The following CEMIP2 variants were observed in gnomAD, a reference collection of about 807,000 sequenced individuals.
CEMIP2 encodes cell migration inducing hyaluronidase 2.
A neutral mutation model predicts 146.9 loss-of-function variants in CEMIP2; 79 were observed. The observed-to-expected ratio is 0.54, with a 90% CI of 0.45 to 0.65. CEMIP2 has a LOEUF of 0.65. CEMIP2 is among the 30% of genes least tolerant of loss of function. The pLI is 0.00. For missense variants in CEMIP2, 1,596 were observed against 1,696.2 expected (o/e 0.94, Z 1.04); for synonymous variants, 601 against 606.3 (o/e 0.99, Z 0.13).
At chr9:71,760,857 C>A (rs1235232122) in intron 1 of CEMIP2, among the ~76,000 whole-genome samples, 1 of 152,208 alleles carries the variant, frequency 6.6e-6, no homozygotes, top group Non-Finnish European at 1.5e-5. Flanking sequence ...GGAAAAAGGT[C>A]GTTGTACCTA....
chr9:71,741,119 T>C (rs1823901431), intron 4 of CEMIP2, among the ~76,000 whole-genome samples: 1 of 151,054 alleles, frequency 6.6e-6, no homozygotes, highest in Admixed American at 6.6e-5. Flanking sequence ...TGATCTAAGG[T>C]GCACCCTAGG....
At chr9:71,697,466 T>A (rs796939464) in intron 20 of CEMIP2, among the ~76,000 whole-genome samples, 7 of 152,300 alleles carry the variant, frequency 4.6e-5, no homozygotes, top group East Asian at 1.9e-4. Context: ...ACTTTTTTTT[T>A]AAATAAAAAT....
intron 12 of CEMIP2, among the ~76,000 whole-genome samples, chr9:71,719,852 A>G (rs1823182822): frequency 1.3e-5 from 2 of 151,212 alleles, no homozygotes; most frequent in South Asian, 4.2e-4. Context: ...CAAAAAAAAA[A>G]AAAAAAAAAG....
rs182035741 is a variant in CEMIP2, at chr9:71,759,731, G to A, written c.-13+8626C>T. 1.6e-3 allele frequency among the ~76,000 whole-genome samples: 243 copies of A among 150,416 alleles called. 1 individual carries two copies. The highest frequency in any genetic ancestry group is 3.4e-3 in the Middle Eastern group (1 of 294). On this transcript the variant is annotated intron_variant, in intron 1 of 23. Coordinates refer to ENST00000377044, the MANE Select transcript of CEMIP2 (RefSeq NM_013390.3). ...TCTTTATCTTGAATAGGGCTGTTCG[G>A]ATGTGGTTAGATTTTTGGTCCTTCC...
Position 71,755,961 on chromosome 9 carries a change from CAAAAAAAAAAAAA to C in CEMIP2, c.-12-5589_-12-5577del, listed in dbSNP as rs55972127. ...GGTGACAGAGCATGACTCTGTCTCA[CAAAAAAAAAAAAA>C]AAAAAAAAAAAAAAAACCTCTTACA... On this transcript the variant is annotated intron_variant, in intron 1 of 23. Coordinates refer to ENST00000377044, the MANE Select transcript of CEMIP2 (RefSeq NM_013390.3). 1.9e-4 allele frequency among the ~76,000 whole-genome samples: 10 copies of C among 52,898 alleles called. 1 individual carries two copies. The highest frequency in any genetic ancestry group is 1.1e-3 in the East Asian group (2 of 1,870). 34.7% of individuals were successfully genotyped at this position (52,898 alleles called of 152,430 possible).
At chr9:71,715,622 T>C (rs1334547933) in intron 14 of CEMIP2, among the ~76,000 whole-genome samples, 2 of 45,484 alleles carry the variant, frequency 4.4e-5, no homozygotes, top group Admixed American at 2.6e-4. Flanking sequence ...ATATCCCTCT[T>C]AAGATATATA....
chr9:71,687,744 T>C (rs564328059), intron 22 of CEMIP2, among the ~76,000 whole-genome samples: 1 of 152,256 alleles, frequency 6.6e-6, no homozygotes, highest in Admixed American at 6.5e-5. Flanking sequence ...TGTGCACGTG[T>C]AGTCCCAGCT....
At chr9:71,699,956 T>G (rs1269387046) in intron 19 of CEMIP2, among the ~76,000 whole-genome samples, 3 of 152,210 alleles carry the variant, frequency 2.0e-5, no homozygotes, top group Admixed American at 6.5e-5. Context: ...ACGGTGAGTT[T>G]GCAGAAGAAA....
At chr9:71,750,832 G>A (rs996974935) in intron 1 of CEMIP2, among the ~76,000 whole-genome samples, 2 of 151,850 alleles carry the variant, frequency 1.3e-5, no homozygotes, top group African/African-American at 2.4e-5. Context: ...CTACAGTCTC[G>A]CACTCCTGGG....
chr9:71,756,191 C>CTAGATAGGTAGATAGATAGA (rs1554689288), intron 1 of CEMIP2, among the ~76,000 whole-genome samples: 4 of 128,480 alleles, frequency 3.1e-5, no homozygotes, highest in Admixed American at 2.3e-4. Flanking sequence ...AGCAAAAATG[C>CTAGATAGGTAGATAGATAGA]TAGATAGATA....
rs1289867120 is a variant in CEMIP2 at position 71,740,046 on chromosome 9, A to G, written c.1204+17T>C. The G allele has an allele frequency of 1.2e-6, 2 of 1,610,472 alleles. No homozygotes were observed. The highest frequency in any genetic ancestry group is 1.7e-5 in the Admixed American group (1 of 59,318). On this transcript the variant is annotated intron_variant, in intron 5 of 23. Coordinates refer to ENST00000377044, the MANE Select transcript of CEMIP2 (RefSeq NM_013390.3). ...ACTTATCAGTGTCTTACAAGAGTAT[A>G]AACTCTACTTGCCTACCTTCAATCC...
At chr9:71,760,319 T>C (rs985906057) in intron 1 of CEMIP2, among the ~76,000 whole-genome samples, 2 of 152,236 alleles carry the variant, frequency 1.3e-5, no homozygotes, top group African/African-American at 4.8e-5. Context: ...GCAAATCACA[T>C]TGGACTCTCC....
At chr9:71,688,409 G>A (rs1431581386) in intron 22 of CEMIP2, among the ~76,000 whole-genome samples, 2 of 150,796 alleles carry the variant, frequency 1.3e-5, no homozygotes, top group Admixed American at 1.3e-4. Context: ...TTTTTTTTTA[G>A]AGACAGAGTC....
intron 1 of CEMIP2, among the ~76,000 whole-genome samples, chr9:71,757,746 GT>G (rs1246481985): frequency 1.3e-5 from 2 of 152,130 alleles, no homozygotes; most frequent in African/African-American, 4.8e-5. Flanking sequence ...TTCTGGTTTG[GT>G]TTGGTTTGGT....
Position 71,750,405 on chromosome 9 carries a change from T to G in CEMIP2, c.-12-20A>C. The G allele has an allele frequency of 6.7e-7, 1 of 1,490,364 alleles. No individual in the cohort carries two copies. The highest frequency in any genetic ancestry group is 1.3e-5 in the South Asian group (1 of 76,368). 92.3% of individuals were successfully genotyped at this position (1,490,364 alleles called of 1,614,324 possible). On this transcript the variant is annotated intron_variant, in intron 1 of 23. Coordinates refer to ENST00000377044, the MANE Select transcript of CEMIP2 (RefSeq NM_013390.3). ...CTGTTACTGTGAAAAGAAAAAAAAA[T>G]TAAGCTTCAGTATGTGTAAATTCTT...
chr9:71,700,627 G>A lies in CEMIP2; in HGVS notation c.3377+15C>T. On this transcript the variant is annotated intron_variant, in intron 19 of 23. Transcript: ENST00000377044. ...AAATAGGAATAATTCTCATTCCCTG[G>A]TTTCACTGAATTACCCCGTGCTGGA... The A allele has an allele frequency of 6.4e-7, 1 of 1,558,968 alleles. No individual in the cohort carries two copies. The highest frequency in any genetic ancestry group is 8.7e-7 in the Non-Finnish European group (1 of 1,154,922).
rs767719958 is a variant in CEMIP2 at position 71,712,152 on chromosome 9, G to A, written c.2700C>T (p.Gly900=). 1.9e-6 allele frequency: 3 copies of A among 1,614,170 alleles called. No individual in the cohort carries two copies. The highest frequency in any genetic ancestry group is 2.5e-6 in the Non-Finnish European group (3 of 1,180,016). The change falls in exon 16 of 24, where the codon GGC becomes GGT. Residue 900 remains glycine (G), a synonymous_variant. Transcript: ENST00000377044. ...TCTGCCAGGAATTCTTCATGAGGAA[G>A]CCAATTGCACTGCTGTACCTATCTG... The part of the protein sequence containing the change: ...PTPDRYSSAI[G]FLMKNSWQIT...
intron 4 of CEMIP2, among the ~76,000 whole-genome samples, chr9:71,741,545 C>G (rs1823914882): frequency 6.6e-6 from 1 of 151,530 alleles, no homozygotes; most frequent in Admixed American, 6.6e-5. Flanking sequence ...GAATCACTAT[C>G]CAACAGATTT....
Position 71,746,201 on chromosome 9 carries a change from C to T in CEMIP2, c.472G>A (p.Gly158Arg). The part of the protein sequence containing the change: ...TVHSIVIQDG[G>R]LLVFGDNKDG... ...CCCATAGGCAGGAACCATTACCTAC[C>T]TCCATCCTGAATGACTATAGAATGC... The change falls in exon 3 of 24, where the codon GGA becomes AGA. Residue 158 changes from glycine to arginine, a missense_variant and splice_region_variant. Gly to Arg is a moderately radical substitution (Grantham distance 125). Transcript: ENST00000377044. The T allele has an allele frequency of 1.2e-6, 2 of 1,613,310 alleles. No homozygotes were observed. Among genetic ancestry groups the T allele is most frequent in the Non-Finnish European group, 1.7e-6 (2 of 1,179,524 alleles).
Sources: gnomAD v4.1 joint callset for allele counts (sites outside exome capture counted in the v4.1 genomes callset) on GRCh38, gnomAD v4.1.1 for gene constraint, MANE v1.5 for transcripts, NCBI Gene and HGNC (gene_info 2026-07-23, HGNC 2026-07-21) for gene names.